STK24: variants seen among roughly 807,000 people sequenced by gnomAD.
STK24 encodes the protein serine/threonine-protein kinase 24.
In STK24, 21 loss-of-function variants were observed where a neutral mutation model predicts 55.6. That is an observed-to-expected ratio of 0.38 (90% CI 0.27 to 0.54). The LOEUF (loss-of-function observed/expected upper bound fraction) is 0.54. STK24 is among the 20% of genes least tolerant of loss of function. The pLI is 0.79. For synonymous variants in STK24, 200 were observed against 215.2 expected (o/e 0.93, Z 0.62); for missense variants, 383 against 538.4 (o/e 0.71, Z 2.86).
intron 1 of STK24, among the ~76,000 whole-genome samples, chr13:98,526,335 G>C (rs542737297): frequency 6.6e-6 from 1 of 152,174 alleles, no homozygotes; most frequent in Non-Finnish European, 1.5e-5. Context: ...CCTAATAGGA[G>C]TGGATTTATT....
Position 98,452,344 on chromosome 13 carries a change from A to C in STK24, c.*829T>G, listed in dbSNP as rs1015659389. ...GAGAGCGCTTCATGGGGAGAAACTG[A>C]AAATTATAATTTAAAGCTTCATGAG... On this transcript the variant is annotated 3_prime_UTR_variant, in exon 11 of 11. Coordinates refer to ENST00000539966, the MANE Select transcript of STK24 (RefSeq NM_001032296.4). 1.2e-4 allele frequency: 19 copies of C among 152,592 alleles called. No homozygotes were observed. The highest frequency in any genetic ancestry group is 4.3e-4 in the African/African-American group (18 of 41,416). The allele number at this position is 152,592 out of a possible 1,614,324, so 9.5% of individuals were successfully genotyped here. A position where few individuals can be genotyped will look rare whatever the true frequency, so the allele number is the denominator to read the frequency against.
rs1335259632 is a variant in STK24, at chr13:98,456,228, G to A, written c.1259+940C>T. 3 of 316,098 alleles carry A rather than the reference G, an allele frequency of 9.5e-6. No individual in the cohort carries two copies. In the Admixed American group the frequency reaches 1.3e-4, roughly 14 times the overall value. 19.6% of individuals were successfully genotyped at this position (316,098 alleles called of 1,614,324 possible). A position where few individuals can be genotyped will look rare whatever the true frequency, so the allele number is the denominator to read the frequency against. On this transcript the variant is annotated intron_variant, in intron 10 of 10. Coordinates refer to ENST00000539966, the MANE Select transcript of STK24 (RefSeq NM_001032296.4). ...GGGGCTCTTCACAGGACAGTAGGCA[G>A]CCCCTTCAATCACTTCCAAATAGCA...
At chr13:98,537,645 G>T (rs577784244) in intron 1 of STK24, among the ~76,000 whole-genome samples, 1 of 152,130 alleles carries the variant, frequency 6.6e-6, no homozygotes, top group Non-Finnish European at 1.5e-5. Flanking sequence ...ACGTGCACCC[G>T]TAAGTACAGA....
intron 10 of STK24, chr13:98,455,338 T>C (rs777151907): frequency 4.6e-5 from 7 of 152,120 alleles, no homozygotes; most frequent in Admixed American, 1.3e-4. Flanking sequence ...ACTCCTCAGC[T>C]CGAACAATTC....
At chr13:98,469,318 G>T (rs1369333264) in intron 5 of STK24, among the ~76,000 whole-genome samples, 1 of 152,178 alleles carries the variant, frequency 6.6e-6, no homozygotes, top group African/African-American at 2.4e-5. Flanking sequence ...GGAGGCCGAC[G>T]CAGGCAGATC....
chr13:98,494,382 C>A, intron 2 of STK24, among the ~76,000 whole-genome samples: 1 of 117,250 alleles, frequency 8.5e-6, no homozygotes, highest in African/African-American at 3.2e-5. Flanking sequence ...CCACTGCACT[C>A]CAGCCTGGGT....
intron 2 of STK24, chr13:98,505,190 G>C (rs140049623): frequency 6.6e-6 from 1 of 152,218 alleles, no homozygotes; most frequent in South Asian, 2.1e-4. Context: ...ATCCACCAAG[G>C]TATAAAGGAG....
chr13:98,524,389 G>T (rs1487195669), intron 1 of STK24, among the ~76,000 whole-genome samples: 1 of 152,192 alleles, frequency 6.6e-6, no homozygotes. Context: ...TCCATCAGCA[G>T]CATGTGGAGA....
At chr13:98,508,110 C>G (rs778888722) in intron 2 of STK24, among the ~76,000 whole-genome samples, 2 of 152,138 alleles carry the variant, frequency 1.3e-5, no homozygotes, top group South Asian at 4.1e-4. Context: ...TGCTCCCCAC[C>G]GCTTCTTGCT....
chr13:98,476,882 A>C (rs1387907829), intron 3 of STK24, among the ~76,000 whole-genome samples: 1 of 152,184 alleles, frequency 6.6e-6, no homozygotes, highest in Non-Finnish European at 1.5e-5. Context: ...CAGCAGACAC[A>C]CCTGGAATCC....
chr13:98,540,058 C>T (rs1354177144), intron 1 of STK24, among the ~76,000 whole-genome samples: 2 of 152,338 alleles, frequency 1.3e-5, no homozygotes, highest in Non-Finnish European at 1.5e-5. Flanking sequence ...ACAACAGACA[C>T]AAGCTGCGTT....
intron 1 of STK24, among the ~76,000 whole-genome samples, chr13:98,557,589 C>T (rs1897313289): frequency 6.6e-6 from 1 of 152,238 alleles, no homozygotes; most frequent in African/African-American, 2.4e-5. Flanking sequence ...GGGGACCAGC[C>T]TCCTTCCTTT....
At chr13:98,511,746 TAAGGACTG>T (rs1185429173) in intron 2 of STK24, among the ~76,000 whole-genome samples, 1 of 152,174 alleles carries the variant, frequency 6.6e-6, no homozygotes, top group Non-Finnish European at 1.5e-5. Context: ...GCCAAAATGC[TAAGGACTG>T]ATCAGTGACT....
intron 1 of STK24, among the ~76,000 whole-genome samples, chr13:98,524,541 G>C (rs1896367041): frequency 6.6e-6 from 1 of 152,178 alleles, no homozygotes; most frequent in South Asian, 2.1e-4. Context: ...CTCTCCAGCT[G>C]GCCACAGCCA....
chr13:98,567,677 G>A (rs907750555), intron 1 of STK24, among the ~76,000 whole-genome samples: 1 of 152,140 alleles, frequency 6.6e-6, no homozygotes, highest in African/African-American at 2.4e-5. Flanking sequence ...CGGAGGCTCC[G>A]AGTTCTTGCC....
rs1164535631 is a variant in STK24, at chr13:98,512,578, T to G, written c.273+6665A>C. Among the ~76,000 whole-genome samples the G allele has an allele frequency of 9.4e-5, 14 of 149,510 alleles. No individual in the cohort carries two copies. The East Asian group carries it at 1.2e-3, about 12-fold the overall frequency. ...TAAACACACACAAAGTAAGTTTTTT[T>G]TTTTTTTTTTTAAAAAGGGAAAGCA... is the stretch of plus-strand genomic sequence containing the variant. On this transcript the variant is annotated intron_variant, in intron 2 of 10. Transcript: ENST00000539966.
At chr13:98,566,336 G>T (rs181401625) in intron 1 of STK24, among the ~76,000 whole-genome samples, 2 of 152,212 alleles carry the variant, frequency 1.3e-5, no homozygotes, top group Non-Finnish European at 2.9e-5. Flanking sequence ...ACAATGTGAC[G>T]GTCAGGAGGG....
chr13:98,521,593 T>C (rs1896261801), intron 1 of STK24, among the ~76,000 whole-genome samples: 1 of 152,034 alleles, frequency 6.6e-6, no homozygotes, highest in African/African-American at 2.4e-5. Flanking sequence ...GGTGGGTACC[T>C]CCCACCTGAC....
intron 5 of STK24, among the ~76,000 whole-genome samples, chr13:98,470,765 A>G (rs1380403303): frequency 6.6e-6 from 1 of 152,234 alleles, no homozygotes; most frequent in African/African-American, 2.4e-5. Flanking sequence ...CATGTCAAAT[A>G]AAGTACGCTA....
Sources: allele counts gnomAD v4.1 joint callset (sites outside exome capture counted in the v4.1 genomes callset), GRCh38; gene constraint gnomAD v4.1.1; transcripts MANE v1.5; gene names NCBI Gene and HGNC (gene_info 2026-07-23, HGNC 2026-07-21).